The following RETREG1 variants were observed in gnomAD, a reference collection of about 807,000 sequenced individuals.
The protein encoded by RETREG1 is reticulophagy regulator 1.
RETREG1 carries 44 observed loss-of-function variants against 54.8 expected under a neutral mutation model. The ratio of observed to expected loss-of-function variants is 0.80; its 90% CI spans 0.63 to 1.03. The LOEUF (loss-of-function observed/expected upper bound fraction) is 1.03. RETREG1 is among the 50% of genes least tolerant of loss of function. The pLI, the probability that RETREG1 is intolerant of heterozygous loss-of-function variation, is 0.00. For missense variants in RETREG1, 554 were observed against 605.1 expected, an observed-to-expected ratio of 0.92 and a Z score of 0.89; for synonymous variants, 217 against 238.5, an observed-to-expected ratio of 0.91 and a Z score of 0.83.
chr5:16,569,981 T>C (rs918396907), intron 2 of RETREG1, among the ~76,000 whole-genome samples: 3 of 152,218 alleles, frequency 2.0e-5, no homozygotes, highest in Non-Finnish European at 4.4e-5. Flanking sequence ...GATCCTTCCT[T>C]AGAGACTCCA....
intron 3 of RETREG1, among the ~76,000 whole-genome samples, chr5:16,489,036 T>C (rs578006972): frequency 1.6e-5 from 2 of 122,490 alleles, no homozygotes; most frequent in South Asian, 2.7e-4. Context: ...TGAGCCGAGA[T>C]AGCGCCACTG....
intron 3 of RETREG1, among the ~76,000 whole-genome samples, chr5:16,543,330 G>C (rs1240613905): frequency 6.6e-6 from 1 of 152,156 alleles, no homozygotes; most frequent in Non-Finnish European, 1.5e-5. Flanking sequence ...AAATATCTAA[G>C]AGAGGAAGTT....
At chr5:16,581,451 T>C (rs141003533) in intron 1 of RETREG1, among the ~76,000 whole-genome samples, 381 of 152,140 alleles carry the variant, frequency 2.5e-3, no homozygotes, top group Non-Finnish European at 4.1e-3. Flanking sequence ...CACTGGATCT[T>C]CCAGGTAAGA....
At chr5:16,590,410 C>T (rs755704788) in intron 1 of RETREG1, among the ~76,000 whole-genome samples, 7 of 152,220 alleles carry the variant, frequency 4.6e-5, no homozygotes, top group Non-Finnish European at 1.0e-4. Context: ...AGGCTTCCTT[C>T]AAGGTTCTTT....
chr5:16,576,785 G>C (rs1025556751), intron 1 of RETREG1, among the ~76,000 whole-genome samples: 1 of 151,040 alleles, frequency 6.6e-6, no homozygotes. Context: ...CCCGGCCAAT[G>C]TTTGTATCTT....
rs33685 is a variant in RETREG1 at position 16,509,227 on chromosome 5, G to A, written c.459-25755C>T. ...TTGTTTGGAGAACGCCTAGCCACTC[G>A]GCAAAAAGATCCCTTACTCAAAAAG... On this transcript the variant is annotated intron_variant, in intron 3 of 8. Coordinates refer to ENST00000306320, the MANE Select transcript of RETREG1 (RefSeq NM_001034850.3). 70,288 of 159,066 alleles carry A rather than the reference G, an allele frequency of 0.44. 16,435 individuals are homozygous for A. Among genetic ancestry groups the A allele is most frequent in the Middle Eastern group, 0.56 (171 of 308 alleles). 9.9% of individuals were successfully genotyped at this position (159,066 alleles called of 1,614,324 possible).
intron 1 of RETREG1, among the ~76,000 whole-genome samples, chr5:16,600,240 A>G (rs1743016183): frequency 2.0e-5 from 3 of 152,272 alleles, no homozygotes; most frequent in Non-Finnish European, 4.4e-5. Flanking sequence ...ACCTCAGGTG[A>G]TCCACCCACC....
At chr5:16,556,423 G>C (rs1468149154) in intron 3 of RETREG1, among the ~76,000 whole-genome samples, 2 of 152,072 alleles carry the variant, frequency 1.3e-5, no homozygotes, top group Non-Finnish European at 2.9e-5. Context: ...GCCTCCCAAA[G>C]TGCTGGAATT....
At chr5:16,552,889 T>G (rs540050958) in intron 3 of RETREG1, among the ~76,000 whole-genome samples, 4 of 152,290 alleles carry the variant, frequency 2.6e-5, no homozygotes, top group African/African-American at 9.6e-5. Flanking sequence ...TATTCTTAGC[T>G]TCTCTGAAAC....
chr5:16,499,557 C>A (rs1013746017), intron 3 of RETREG1, among the ~76,000 whole-genome samples: 4 of 152,218 alleles, frequency 2.6e-5, no homozygotes, highest in Non-Finnish European at 5.9e-5. Flanking sequence ...CACTTGCTTA[C>A]AATTCAACCA....
At chr5:16,493,761 A>G (rs753813574) in intron 3 of RETREG1, among the ~76,000 whole-genome samples, 33 of 150,938 alleles carry the variant, frequency 2.2e-4, no homozygotes, top group Non-Finnish European at 3.7e-4. Flanking sequence ...CTACAGCACA[A>G]AAAAAAAAGT....
intron 3 of RETREG1, among the ~76,000 whole-genome samples, chr5:16,526,397 C>T (rs77545319): frequency 0.017 from 2,598 of 152,264 alleles, 65 homozygotes; most frequent in African/African-American, 0.06. Flanking sequence ...TAGTTACAAG[C>T]CAGGGCTAAA....
intron 3 of RETREG1, among the ~76,000 whole-genome samples, chr5:16,560,989 T>A (rs1260068266): frequency 6.6e-6 from 1 of 152,050 alleles, no homozygotes; most frequent in East Asian, 1.9e-4. Context: ...AAGGGACACA[T>A]AAATCCCTCA....
Position 16,543,794 on chromosome 5 carries a change from T to C in RETREG1, c.458+21969A>G, listed in dbSNP as rs1741312322. ...ACTCCACATCCTCACTAACACTTGG[T>C]ATGGTCAGTCTTTTTTCCATTTCAT... On this transcript the variant is annotated intron_variant, in intron 3 of 8. Transcript: ENST00000306320. Among the ~76,000 whole-genome samples, 7 of 152,090 alleles carry C rather than the reference T, an allele frequency of 4.6e-5. No homozygotes were observed. The South Asian group carries it at 1.4e-3, about 32-fold the overall frequency.
chr5:16,499,198 T>C (rs1442465458), intron 3 of RETREG1, among the ~76,000 whole-genome samples: 4 of 152,238 alleles, frequency 2.6e-5, no homozygotes, highest in East Asian at 3.9e-4. Context: ...TCCACTCCAG[T>C]ATAATTTCAT....
At chr5:16,477,357 C>T (rs1367106877) in intron 8 of RETREG1, among the ~76,000 whole-genome samples, 1 of 152,148 alleles carries the variant, frequency 6.6e-6, no homozygotes, top group African/African-American at 2.4e-5. Flanking sequence ...AACAGTCACT[C>T]ACTATTCCCT....
chr5:16,482,027 A>G (rs1326387888), intron 4 of RETREG1, among the ~76,000 whole-genome samples: 2 of 152,080 alleles, frequency 1.3e-5, no homozygotes, highest in Admixed American at 1.3e-4. Flanking sequence ...TGATGATGAT[A>G]AAGAGCAAAG....
intron 3 of RETREG1, among the ~76,000 whole-genome samples, chr5:16,538,703 CTTT>C (rs879370720): frequency 1.4e-5 from 2 of 143,300 alleles, no homozygotes; most frequent in African/African-American, 2.6e-5. Flanking sequence ...TTCTTTCATT[CTTT>C]TTTTTTTTTT....
intron 1 of RETREG1, among the ~76,000 whole-genome samples, chr5:16,605,663 C>T (rs1036943710): frequency 1.1e-4 from 16 of 152,204 alleles, no homozygotes; most frequent in African/African-American, 3.4e-4. Context: ...GTGGCTTATG[C>T]GTAACAGAAA....
Sources: gnomAD v4.1 joint callset for allele counts (sites outside exome capture counted in the v4.1 genomes callset) on GRCh38, gnomAD v4.1.1 for gene constraint, MANE v1.5 for transcripts, NCBI Gene and HGNC (gene_info 2026-07-23, HGNC 2026-07-21) for gene names.